Variants in SLC14A2 observed in about 807,000 individuals in gnomAD.
The protein encoded by SLC14A2 is urea transporter 2.
In SLC14A2, 91 loss-of-function variants were observed where a neutral mutation model predicts 104.6. The observed-to-expected ratio is 0.87, with a 90% CI of 0.73 to 1.04. The LOEUF is 1.04. Among genes scored for constraint, SLC14A2 ranks in the 50% least tolerant of loss-of-function variants. The pLI is 0.00. For synonymous variants in SLC14A2, 476 were observed against 466.4 expected, an observed-to-expected ratio of 1.02 and a Z score of -0.27; for missense variants, 1,189 against 1,156.0, an observed-to-expected ratio of 1.03 and a Z score of -0.41.
At chr18:45,653,710 T>C (rs536572024) in intron 10 of SLC14A2, among the ~76,000 whole-genome samples, 1 of 151,930 alleles carries the variant, frequency 6.6e-6, no homozygotes, top group African/African-American at 2.4e-5. Flanking sequence ...AGCCTCCAGG[T>C]CCCCAGGACC....
intron 2 of SLC14A2, among the ~76,000 whole-genome samples, chr18:45,598,499 T>C (rs1027663686): frequency 6.6e-6 from 1 of 152,000 alleles, no homozygotes; most frequent in Non-Finnish European, 1.5e-5. Flanking sequence ...CCTTCCTCCA[T>C]AAAAATAAAA....
intron 1 of SLC14A2, among the ~76,000 whole-genome samples, chr18:45,287,559 T>C (rs2084827267): frequency 6.6e-6 from 1 of 152,140 alleles, no homozygotes; most frequent in East Asian, 1.9e-4. Context: ...GGCTTTCCTC[T>C]CTCAAGTTCT....
chr18:45,196,193 A>T, the SLC14A2 span, among the ~76,000 whole-genome samples: 1 of 152,220 alleles, frequency 6.6e-6, no homozygotes, highest in South Asian at 2.1e-4. Context: ...ATAATTCAGT[A>T]TGTACACAGA....
chr18:45,179,079 T>G, the SLC14A2 span, among the ~76,000 whole-genome samples: 1 of 152,150 alleles, frequency 6.6e-6, no homozygotes. Flanking sequence ...TGAGACAAAA[T>G]GAAGTCTTCC....
chr18:45,531,789 G>C (rs113772756), intron 2 of SLC14A2, among the ~76,000 whole-genome samples: 11,524 of 152,092 alleles, frequency 0.076, 565 homozygotes, highest in East Asian at 0.21. Context: ...CCTATGTCCT[G>C]AATGGTAATG....
intron 2 of SLC14A2, among the ~76,000 whole-genome samples, chr18:45,609,939 T>C (rs371317719): frequency 6.6e-6 from 1 of 152,184 alleles, no homozygotes; most frequent in African/African-American, 2.4e-5. Flanking sequence ...AGGATGCAAA[T>C]GGCATTTAAT....
intron 1 of SLC14A2, among the ~76,000 whole-genome samples, chr18:45,478,782 A>G (rs767017946): frequency 2.0e-5 from 3 of 152,200 alleles, no homozygotes; most frequent in African/African-American, 7.2e-5. Context: ...TTTCCAGAAA[A>G]AAAAAAAGAG....
intron 2 of SLC14A2, among the ~76,000 whole-genome samples, chr18:45,492,512 C>G (rs1377137287): frequency 6.6e-6 from 1 of 152,104 alleles, no homozygotes; most frequent in Non-Finnish European, 1.5e-5. Flanking sequence ...TTCACTATCA[C>G]GAAAACAGCA....
intron 6 of SLC14A2, among the ~76,000 whole-genome samples, chr18:45,638,126 G>A (rs1004623357): frequency 5.9e-5 from 9 of 152,248 alleles, no homozygotes; most frequent in Non-Finnish European, 1.0e-4. Flanking sequence ...TCAGCATCCC[G>A]CATTCCTCAG....
At chr18:45,322,920 A>G (rs2085199289) in intron 1 of SLC14A2, among the ~76,000 whole-genome samples, 1 of 152,186 alleles carries the variant, frequency 6.6e-6, no homozygotes, top group South Asian at 2.1e-4. Context: ...TAAACTGGAG[A>G]TCACACAAAC....
At chr18:45,616,726 C>T (rs945720555) in intron 1 of SLC14A2, among the ~76,000 whole-genome samples, 2 of 152,096 alleles carry the variant, frequency 1.3e-5, no homozygotes, top group African/African-American at 4.8e-5. Flanking sequence ...ATGCAAGAGG[C>T]AATAAATAAA....
intron 1 of SLC14A2, among the ~76,000 whole-genome samples, chr18:45,398,542 C>T (rs1178100756): frequency 1.9e-5 from 2 of 104,322 alleles, no homozygotes; most frequent in Non-Finnish European, 4.5e-5. Flanking sequence ...ATAGAAACCA[C>T]CCAAATGTTC....
chr18:45,436,239 T>C (rs930798921), intron 1 of SLC14A2, among the ~76,000 whole-genome samples: 3 of 152,194 alleles, frequency 2.0e-5, no homozygotes, highest in African/African-American at 7.2e-5. Context: ...TCAAATAGGT[T>C]AGAGGCAATC....
At chr18:45,489,013 C>G (rs558266699) in intron 2 of SLC14A2, among the ~76,000 whole-genome samples, 2 of 152,178 alleles carry the variant, frequency 1.3e-5, no homozygotes, top group African/African-American at 4.8e-5. Context: ...TTTCCTGCAT[C>G]TTCTAGAAGA....
intron 1 of SLC14A2, among the ~76,000 whole-genome samples, chr18:45,310,849 C>T (rs971975854): frequency 5.9e-5 from 9 of 152,118 alleles, no homozygotes; most frequent in Non-Finnish European, 1.3e-4. Flanking sequence ...AGGCCAAATG[C>T]CAGCGGGGTT....
intron 1 of SLC14A2, among the ~76,000 whole-genome samples, chr18:45,624,238 C>T (rs1599079305): frequency 1.3e-5 from 2 of 152,114 alleles, no homozygotes; most frequent in East Asian, 1.9e-4. Flanking sequence ...TCTTAGACAC[C>T]CCCCACCTCC....
chr18:45,352,343 G>C (rs1228551331), intron 1 of SLC14A2, among the ~76,000 whole-genome samples: 1 of 152,120 alleles, frequency 6.6e-6, no homozygotes, highest in Non-Finnish European at 1.5e-5. Flanking sequence ...TCCATCCAGA[G>C]GGCAAGTTTT....
chr18:45,469,811 T>G (rs2087212815), intron 1 of SLC14A2, among the ~76,000 whole-genome samples: 1 of 152,182 alleles, frequency 6.6e-6, no homozygotes, highest in Non-Finnish European at 1.5e-5. Context: ...GTGTGGGGCA[T>G]GTCTGTGAAC....
intron 1 of SLC14A2, among the ~76,000 whole-genome samples, chr18:45,256,178 C>T (rs1266054775): frequency 6.6e-6 from 1 of 152,144 alleles, no homozygotes; most frequent in East Asian, 1.9e-4. Flanking sequence ...CTAGTTAGAT[C>T]TCAGACGGTA....
Sources: allele counts gnomAD v4.1 joint callset (sites outside exome capture counted in the v4.1 genomes callset), GRCh38; gene constraint gnomAD v4.1.1; transcripts MANE v1.5; gene names NCBI Gene and HGNC (gene_info 2026-07-23, HGNC 2026-07-21).